The following MGA variants were observed in gnomAD, a reference collection of about 807,000 sequenced individuals.
MGA encodes the protein MAX dimerization protein MGA, also known as MAX gene-associated protein.
A neutral mutation model predicts 261.1 loss-of-function variants in MGA; 40 were observed. The ratio of observed to expected loss-of-function variants is 0.15; its 90% CI spans 0.12 to 0.20. The LOEUF (loss-of-function observed/expected upper bound fraction) is 0.20. MGA is among the 10% of genes least tolerant of loss of function. MGA has a pLI of 1.00. For missense variants in MGA, 3,397 were observed against 3,630.5 expected (o/e 0.94, Z 1.65); for synonymous variants, 1,302 against 1,290.6 (o/e 1.01, Z -0.19).
At chr15:41,656,500 C>T (rs984472728), upstream of MGA, among the ~76,000 whole-genome samples, 21 of 151,560 alleles carry the variant, frequency 1.4e-4, no homozygotes, top group South Asian at 2.1e-4. Flanking sequence ...CACCACCAGG[C>T]CCAGCTATTT....
intron 9 of MGA, among the ~76,000 whole-genome samples, chr15:41,721,019 C>T (rs558231598): frequency 2.6e-5 from 4 of 152,078 alleles, no homozygotes; most frequent in Admixed American, 6.5e-5. Flanking sequence ...TTTGTAGGTA[C>T]GTTATACACC....
At chr15:41,641,754 T>G (rs925138561) in intron 1 of MGA, among the ~76,000 whole-genome samples, 1 of 152,036 alleles carries the variant, frequency 6.6e-6, no homozygotes, top group Non-Finnish European at 1.5e-5. Context: ...TCCCAAAGTG[T>G]TGGGATTACA....
Position 41,769,696 on chromosome 15 carries a change from A to G in MGA, c.*2416A>G, listed in dbSNP as rs1243077951. The G allele has an allele frequency of 6.6e-6, 1 of 152,590 alleles. No homozygotes were observed. The highest frequency in any genetic ancestry group is 6.5e-5 in the Admixed American group (1 of 15,284). The allele number at this position is 152,590 out of a possible 1,614,324, so 9.5% of individuals were successfully genotyped here. A position where few individuals can be genotyped will look rare whatever the true frequency, so the allele number is the denominator to read the frequency against. Reference sequence around the variant, plus strand: ...GAAGACAGTGAGCTCTCACCCTAACACTATAAGAAGCATGATCTCAATAGA... The same window carrying G: ...GAAGACAGTGAGCTCTCACCCTAACGCTATAAGAAGCATGATCTCAATAGA... On this transcript the variant is annotated 3_prime_UTR_variant, in exon 24 of 24. Coordinates refer to ENST00000219905, the MANE Select transcript of MGA (RefSeq NM_001164273.2).
intron 1 of MGA, among the ~76,000 whole-genome samples, chr15:41,666,133 G>A (rs1271583709): frequency 2.7e-5 from 4 of 149,670 alleles, no homozygotes; most frequent in South Asian, 2.1e-4. Flanking sequence ...GACCTCAAAC[G>A]TTACTCCCAC....
intron 3 of MGA, among the ~76,000 whole-genome samples, chr15:41,697,714 C>G (rs1484042228): frequency 6.6e-6 from 1 of 151,992 alleles, no homozygotes; most frequent in Non-Finnish European, 1.5e-5. Flanking sequence ...CCGCTCCTGG[C>G]CCTGGTTTTC....
At chr15:41,707,010 G>A (rs2060154760) in intron 5 of MGA, among the ~76,000 whole-genome samples, 1 of 152,126 alleles carries the variant, frequency 6.6e-6, no homozygotes, top group South Asian at 2.1e-4. Flanking sequence ...AACCATAAAT[G>A]TCATTAATAA....
In MGA at chr15:41,680,558, A is replaced by G. The variant is rs1040065226; in HGVS notation, c.1064+10600A>G. Among the ~76,000 whole-genome samples the G allele has an allele frequency of 1.1e-4, 16 of 152,212 alleles. 1 individual carries two copies. The highest frequency in any genetic ancestry group is 9.2e-4 in the Admixed American group (14 of 15,270). ...GGCTACAAATCCTGAGATTCTCACA[A>G]TCTCTCTCAGGTTCACTAATTCACT... is the stretch of plus-strand genomic sequence containing the variant. On this transcript the variant is annotated intron_variant, in intron 2 of 23. Coordinates refer to ENST00000219905, the MANE Select transcript of MGA (RefSeq NM_001164273.2).
intron 1 of MGA, among the ~76,000 whole-genome samples, chr15:41,624,722 G>A (rs774380378): frequency 2.0e-5 from 3 of 152,070 alleles, no homozygotes; most frequent in Non-Finnish European, 2.9e-5. Flanking sequence ...TTCCCATCTC[G>A]GCCTCCTAAA....
chr15:41,636,587 G>A (rs1270091698), intron 1 of MGA, among the ~76,000 whole-genome samples: 2 of 151,296 alleles, frequency 1.3e-5, no homozygotes, highest in African/African-American at 4.9e-5. Flanking sequence ...TTTTTTGTGT[G>A]TGTTTTTAGT....
At chr15:41,667,133 C>G (rs2057789547) in intron 1 of MGA, among the ~76,000 whole-genome samples, 1 of 152,130 alleles carries the variant, frequency 6.6e-6, no homozygotes, top group Admixed American at 6.6e-5. Context: ...TTCCTCTTAA[C>G]TATGTACATA....
Position 41,740,052 on chromosome 15 carries a change from G to A in MGA, c.4435-1G>A. The A allele has an allele frequency of 1.2e-6, 2 of 1,613,968 alleles. No homozygotes were observed. Among genetic ancestry groups the A allele is most frequent in the Non-Finnish European group, 8.5e-7 (1 of 1,179,892 alleles). Reference sequence around the variant, plus strand: ...CAACCCTCAGTACTGTCATCTCCAAGGTAGCATCCAATGCCAAGGTGGCTG... The same window carrying A: ...CAACCCTCAGTACTGTCATCTCCAAAGTAGCATCCAATGCCAAGGTGGCTG... On this transcript the variant is annotated splice_acceptor_variant, in intron 13 of 23. Coordinates refer to ENST00000219905, the MANE Select transcript of MGA (RefSeq NM_001164273.2). LOFTEE classifies it high-confidence loss of function.
rs73407216 is a variant in MGA at position 41,680,584 on chromosome 15, A to G, written c.1064+10626A>G. Among the ~76,000 whole-genome samples the G allele has an allele frequency of 7.3e-3, 1,118 of 152,278 alleles. 18 individuals carry two copies. The highest frequency in any genetic ancestry group is 0.026 in the African/African-American group (1,077 of 41,540). On this transcript the variant is annotated intron_variant, in intron 2 of 23. Coordinates refer to ENST00000219905, the MANE Select transcript of MGA (RefSeq NM_001164273.2). ...TCTCTCTCAGGTTCACTAATTCACTAGACTCATAGAACTCAGGAAAACACT... is the reference window on the plus strand; with the variant it reads ...TCTCTCTCAGGTTCACTAATTCACTGGACTCATAGAACTCAGGAAAACACT...
At chr15:41,732,737 A>G (rs1038815662) in intron 11 of MGA, among the ~76,000 whole-genome samples, 1 of 152,192 alleles carries the variant, frequency 6.6e-6, no homozygotes, top group African/African-American at 2.4e-5. Flanking sequence ...AGCTTTCATT[A>G]TTATCTGCTC....
In MGA at chr15:41,748,278, C is replaced by T. The variant is rs562762135; in HGVS notation, c.5213-359C>T. 5.9e-5 allele frequency among the ~76,000 whole-genome samples: 9 copies of T among 152,004 alleles called. No homozygotes were observed. The South Asian group carries it at 6.2e-4, about 11-fold the overall frequency. On this transcript the variant is annotated intron_variant, in intron 15 of 23. Transcript: ENST00000219905. The stretch of plus-strand genomic sequence containing the variant: ...TAAAAAAAAAAAAATATAGACTGGG[C>T]GCGGTGGCTCACGCCTGTAATCTCA...
Position 41,703,372 on chromosome 15 carries a change from C to A in MGA, c.2188+4213C>A, listed in dbSNP as rs1393509999. Reference sequence around the variant, plus strand: ...CAGTTTATTCATTGTGAAGTTACCCCCCCCCCCACTCCCCACCCTCCCTTT... The same window carrying A: ...CAGTTTATTCATTGTGAAGTTACCCACCCCCCCACTCCCCACCCTCCCTTT... On this transcript the variant is annotated intron_variant, in intron 5 of 23. Transcript: ENST00000219905. Among the ~76,000 whole-genome samples, 5 of 135,210 alleles carry A rather than the reference C, an allele frequency of 3.7e-5. No homozygotes were observed. In the East Asian group the frequency reaches 1.0e-3, roughly 28 times the overall value. 88.7% of individuals were successfully genotyped at this position (135,210 alleles called of 152,430 possible). A position where few individuals can be genotyped will look rare whatever the true frequency, so the allele number is the denominator to read the frequency against.
At chr15:41,731,724 A>G (rs893108882) in intron 11 of MGA, among the ~76,000 whole-genome samples, 2 of 152,244 alleles carry the variant, frequency 1.3e-5, no homozygotes, top group African/African-American at 4.8e-5. Context: ...AATCCTAATT[A>G]TACACTATGC....
At chr15:41,653,452 A>C (rs2057108073) in intron 1 of MGA, among the ~76,000 whole-genome samples, 1 of 152,124 alleles carries the variant, frequency 6.6e-6, no homozygotes, top group Non-Finnish European at 1.5e-5. Context: ...TCCAGTGGTT[A>C]GATCACAGCT....
chr15:41,623,773 ATATTT>A (rs375969157), intron 1 of MGA, among the ~76,000 whole-genome samples: 35,335 of 103,776 alleles, frequency 0.34, 4,856 homozygotes, highest in Middle Eastern at 0.51. Context: ...ATATATATAT[ATATTT>A]TTTTTTTTTT....
In MGA at chr15:41,756,744, T is replaced by C. The variant is rs1271504149; in HGVS notation, c.7140-1044T>C. On this transcript the variant is annotated intron_variant, in intron 18 of 23. Transcript: ENST00000219905. ...GCGTATCAACATATCTCAGGTGTAA[T>C]TTATTTGTACTTTTATTTTCGATAT... is the stretch of plus-strand genomic sequence containing the variant. 2.0e-5 allele frequency among the ~76,000 whole-genome samples: 3 copies of C among 152,146 alleles called. No individual in the cohort carries two copies. In the East Asian group the frequency reaches 5.8e-4, roughly 29 times the overall value.
Sources: allele counts gnomAD v4.1 joint callset (sites outside exome capture counted in the v4.1 genomes callset), GRCh38; gene constraint gnomAD v4.1.1; transcripts MANE v1.5; gene names NCBI Gene and HGNC (gene_info 2026-07-23, HGNC 2026-07-21).